CPLANE1: variants seen among roughly 807,000 people sequenced by gnomAD.
The protein encoded by CPLANE1 is ciliogenesis and planar polarity effector 1.
In CPLANE1, 263 loss-of-function variants were observed where a neutral mutation model predicts 362.5. The observed-to-expected ratio is 0.73, with a 90% CI of 0.66 to 0.80. The LOEUF (loss-of-function observed/expected upper bound fraction) is 0.80. Among genes scored for constraint, CPLANE1 ranks in the 30% least tolerant of loss-of-function variants. The probability of loss-of-function intolerance (pLI) is 0.00; values close to 1 mark genes in which losing one functional copy is unlikely to be tolerated. For missense variants in CPLANE1, 3,461 were observed against 3,793.4 expected, an observed-to-expected ratio of 0.91 and a Z score of 2.30; for synonymous variants, 1,212 against 1,302.6, an observed-to-expected ratio of 0.93 and a Z score of 1.50.
chr5:37,120,823 G>A (rs551210585), intron 49 of CPLANE1, among the ~76,000 whole-genome samples: 28 of 152,106 alleles, frequency 1.8e-4, no homozygotes, highest in African/African-American at 4.8e-4. Context: ...AAGTCTCAAC[G>A]GGAATCTTTG....
At position 37,115,005 on chromosome 5, in the gene CPLANE1, C is replaced by T; in HGVS notation, c.9355G>A (p.Ala3119Thr). 1 of 1,611,524 alleles carries T rather than the reference C, an allele frequency of 6.2e-7. No individual in the cohort carries two copies. Among genetic ancestry groups the T allele is most frequent in the Non-Finnish European group, 8.5e-7 (1 of 1,178,554 alleles). Reference sequence around the variant, plus strand: ...GACTGCGTAGCCTTTCTTACTGCTGCTTTGGCTCCACCAGCTTTTTTCTGT... The same window carrying T: ...GACTGCGTAGCCTTTCTTACTGCTGTTTTGGCTCCACCAGCTTTTTTCTGT... ...TIQKKAGGAK[A>T]AVRKATQSPV... Residue 3119 changes from alanine (A) to threonine (T), a missense_variant, in exon 51 of 53, where the codon GCA (alanine) becomes ACA (threonine). Coordinates refer to ENST00000651892, the MANE Select transcript of CPLANE1 (RefSeq NM_001384732.1).
At chr5:37,181,864 G>A (rs187075402) in intron 26 of CPLANE1, among the ~76,000 whole-genome samples, 16 of 150,766 alleles carry the variant, frequency 1.1e-4, no homozygotes, top group Middle Eastern at 7.3e-3. Context: ...AGGCCGAGGC[G>A]GGCGGATCAC....
In CPLANE1 at chr5:37,107,103, T is replaced by C; in HGVS notation, c.*499A>G. 5 of 985,384 alleles carry C rather than the reference T, an allele frequency of 5.1e-6. No individual in the cohort carries two copies. The highest frequency in any genetic ancestry group is 6.0e-6 in the Non-Finnish European group (5 of 829,918). 61.0% of individuals were successfully genotyped at this position (985,384 alleles called of 1,614,324 possible). A position where few individuals can be genotyped will look rare whatever the true frequency, so the allele number is the denominator to read the frequency against. Reference sequence around the variant, plus strand: ...TTAGAGATTCAGGGTTGGTAAAAGGTAGTTGGTTTTTCTTTTCACTCCTAG... The same window carrying C: ...TTAGAGATTCAGGGTTGGTAAAAGGCAGTTGGTTTTTCTTTTCACTCCTAG... On this transcript the variant is annotated 3_prime_UTR_variant, in exon 53 of 53. Coordinates refer to ENST00000651892, the MANE Select transcript of CPLANE1 (RefSeq NM_001384732.1).
chr5:37,240,168 A>G (rs966347266), intron 6 of CPLANE1, among the ~76,000 whole-genome samples: 2 of 152,080 alleles, frequency 1.3e-5, no homozygotes, highest in African/African-American at 2.4e-5. Context: ...CCTAGCCAAC[A>G]GGTGAAATCC....
intron 46 of CPLANE1, among the ~76,000 whole-genome samples, chr5:37,129,253 C>T (rs149201497): frequency 0.012 from 1,819 of 152,234 alleles, 33 homozygotes; most frequent in African/African-American, 0.042. Context: ...CAAAAATCAA[C>T]TCAAGATGTA....
In CPLANE1 at chr5:37,173,910, C is replaced by T. The variant is rs1780456516; in HGVS notation, c.6016G>A (p.Val2006Ile). The change falls in exon 32 of 53, where the codon GTT becomes ATT. Residue 2006 changes from valine (V) to isoleucine (I), a missense_variant. By Grantham distance (29) the Val-to-Ile change is conservative. Coordinates refer to ENST00000651892, the MANE Select transcript of CPLANE1 (RefSeq NM_001384732.1). ...ISTYKEKSSS[V>I]PLLISNGVNV... ...ACTCCATTTGATATCAGAAGTGGAA[C>T]TGAGGAAGATTTTTCTTTATATGTA... is the stretch of plus-strand genomic sequence containing the variant. The T allele has an allele frequency of 6.2e-7, 1 of 1,613,946 alleles. No homozygotes were observed. Among genetic ancestry groups the T allele is most frequent in the Non-Finnish European group, 8.5e-7 (1 of 1,180,022 alleles).
chr5:37,096,564 A>G, the CPLANE1 span, among the ~76,000 whole-genome samples: 1 of 152,224 alleles, frequency 6.6e-6, no homozygotes, highest in African/African-American at 2.4e-5. Context: ...CTGGGTCTTA[A>G]TTAAACTGAA....
At chr5:37,158,421 G>A in intron 38 of CPLANE1, 76 bp from the exon 39 acceptor site, 1 of 1,377,350 alleles carries the variant, frequency 7.3e-7, no homozygotes. Flanking sequence ...AGCTTTGTAT[G>A]AACAAGTTAG....
chr5:37,125,117 A>C, intron 47 of CPLANE1, 127 bp downstream of exon 47: 1 of 1,385,040 alleles, frequency 7.2e-7, no homozygotes, highest in Non-Finnish European at 9.7e-7. Context: ...CTTAAGTAAA[A>C]CATTTACTTT....
intron 15 of CPLANE1, among the ~76,000 whole-genome samples, chr5:37,219,764 T>G (rs1794950474): frequency 2.0e-5 from 3 of 152,130 alleles, no homozygotes; most frequent in Admixed American, 1.3e-4. Context: ...CTGGAAAATA[T>G]TCATCATAAT....
At position 37,221,369 on chromosome 5, in the gene CPLANE1, G is replaced by C. The variant is rs1561648184; in HGVS notation, c.2701C>G (p.Leu901Val). ...GLCDQLAREI[L>V]RWSQLPVKEN... is the part of the protein sequence containing the mutation. ...TTTACAGGTAGTTGGGACCATCTCA[G>C]GATTTCTCTTGCTAGCTGATCACAC... is the stretch of plus-strand genomic sequence containing the variant. Residue 901 changes from leucine to valine, a missense_variant, in exon 15 of 53, where the codon CTG becomes GTG. This residue lies in a region of CPLANE1 where 3,380 missense variants were observed against 3,666.1 expected (regional missense o/e 0.92). Coordinates refer to ENST00000651892, the MANE Select transcript of CPLANE1 (RefSeq NM_001384732.1). The C allele has an allele frequency of 4.6e-6, 7 of 1,529,126 alleles. No homozygotes were observed. The highest frequency in any genetic ancestry group is 6.2e-6 in the Non-Finnish European group (7 of 1,138,040). 94.7% of individuals were successfully genotyped at this position (1,529,126 alleles called of 1,614,324 possible).
At chr5:37,094,309 C>T in the CPLANE1 span, among the ~76,000 whole-genome samples, 1 of 109,948 alleles carries the variant, frequency 9.1e-6, no homozygotes, top group African/African-American at 6.6e-5. Flanking sequence ...CACACAAATA[C>T]ATGGAAATTA....
intron 8 of CPLANE1, among the ~76,000 whole-genome samples, chr5:37,238,441 C>T (rs903238673): frequency 7.9e-5 from 12 of 151,366 alleles, no homozygotes; most frequent in Admixed American, 5.3e-4. Flanking sequence ...CCTCAGCCTC[C>T]CAAAGTGCTG....
chr5:37,093,950 C>T, the CPLANE1 span, among the ~76,000 whole-genome samples: 1 of 146,264 alleles, frequency 6.8e-6, no homozygotes, highest in Non-Finnish European at 1.5e-5. Context: ...AGCTTGTTTA[C>T]TCATGTGGTT....
At chr5:37,116,391 C>A (rs1330082268) in intron 50 of CPLANE1, among the ~76,000 whole-genome samples, 1 of 143,628 alleles carries the variant, frequency 7.0e-6, no homozygotes, top group East Asian at 2.1e-4. Context: ...AAGGCTGAGG[C>A]AGGAGAATTG....
intron 4 of CPLANE1, 41 bp downstream of exon 4, chr5:37,245,438 T>C (rs1739331174): frequency 1.4e-6 from 2 of 1,386,242 alleles, no homozygotes; most frequent in Non-Finnish European, 1.9e-6. Context: ...TTTCCTATTT[T>C]TCCTAGTTAA....
intron 27 of CPLANE1, among the ~76,000 whole-genome samples, chr5:37,180,420 A>G (rs928395538): frequency 6.6e-6 from 1 of 152,192 alleles, no homozygotes; most frequent in Non-Finnish European, 1.5e-5. Flanking sequence ...AAGATTGTTC[A>G]GTAAATAACT....
intron 19 of CPLANE1, among the ~76,000 whole-genome samples, chr5:37,200,461 A>C (rs918567750): frequency 6.6e-6 from 1 of 152,228 alleles, no homozygotes; most frequent in African/African-American, 2.4e-5. Flanking sequence ...AATGCCATGG[A>C]CTTTTTATTC....
Position 37,179,441 on chromosome 5 carries a change from C to A in CPLANE1, c.5740G>T (p.Asp1914Tyr). ...MDMHISDYEEDIEESVGGFRS... is the reference protein window; with the variant it reads ...MDMHISDYEEYIEESVGGFRS... ...AAACCTCCAACAGATTCTTCAATGT[C>A]TTCTAGCGATAAGTGAAGATGAAGA... The change falls in exon 29 of 53, where the codon GAC (aspartate) becomes TAC (tyrosine). Residue 1914 changes from aspartate to tyrosine, a missense_variant and splice_region_variant. Physicochemically the swap from Asp to Tyr is radical, Grantham distance 160. This residue lies in a region of CPLANE1 where 3,380 missense variants were observed against 3,666.1 expected (regional missense o/e 0.92). Coordinates refer to ENST00000651892, the MANE Select transcript of CPLANE1 (RefSeq NM_001384732.1). 6.2e-7 allele frequency: 1 copy of A among 1,606,248 alleles called. No homozygotes were observed. Among genetic ancestry groups the A allele is most frequent in the Non-Finnish European group, 8.5e-7 (1 of 1,175,824 alleles).
Sources: gnomAD v4.1 joint callset for allele counts (sites outside exome capture counted in the v4.1 genomes callset) on GRCh38, gnomAD v4.1.1 for gene constraint, gnomAD v4.1.1 regional missense constraint, MANE v1.5 for transcripts, NCBI Gene and HGNC (gene_info 2026-07-23, HGNC 2026-07-21) for gene names.